Variants in MTHFD1 observed in about 807,000 individuals in gnomAD.
MTHFD1 encodes C-1-tetrahydrofolate synthase, cytoplasmic.
Under a neutral mutation model 110.3 loss-of-function variants are expected in MTHFD1, and 44 were observed. The ratio of observed to expected loss-of-function variants is 0.40; its 90% confidence interval spans 0.31 to 0.51. The LOEUF is 0.51. Ranked by LOEUF, MTHFD1 falls within the 20% of genes least tolerant of loss-of-function variation. The pLI is 0.60. For synonymous variants in MTHFD1, 402 were observed against 428.8 expected (o/e 0.94, Z 0.77); for missense variants, 909 against 1,173.1 (o/e 0.77, Z 3.29).
chr14:64,449,338 T>C, intron 23 of MTHFD1, 107 bp from the exon 24 acceptor site: 2 of 1,316,142 alleles, frequency 1.5e-6, no homozygotes, highest in Non-Finnish European at 2.2e-6. Flanking sequence ...TCTTGGTTAG[T>C]GTTCGTTTAT....
chr14:64,395,306 A>G (rs1035961758), intron 1 of MTHFD1, among the ~76,000 whole-genome samples: 3 of 152,256 alleles, frequency 2.0e-5, no homozygotes, highest in African/African-American at 7.2e-5. Context: ...GTAGTTACAC[A>G]TAAAAATCTG....
intron 4 of MTHFD1, among the ~76,000 whole-genome samples, chr14:64,414,652 C>G (rs2078011701): frequency 6.6e-6 from 1 of 151,118 alleles, no homozygotes; most frequent in South Asian, 2.1e-4. Context: ...CACACCCAGC[C>G]CTAATTTTTT....
chr14:64,442,008 T>C (rs1451722543), intron 19 of MTHFD1, 46 bp from the exon 20 acceptor site: 1 of 1,282,732 alleles, frequency 7.8e-7, no homozygotes, highest in Admixed American at 1.7e-5. Flanking sequence ...GATCCCACTT[T>C]GAAGCAGGAT....
Position 64,419,876 on chromosome 14 carries a change from G to C in MTHFD1, c.678G>C (p.Trp226Cys), listed in dbSNP as rs1360829379. Residue 226 changes from tryptophan to cysteine, a missense_variant, in exon 8 of 28, where the codon TGG (tryptophan) becomes TGC (cysteine). Trp to Cys is a radical substitution (Grantham distance 215). Coordinates refer to ENST00000652337, the MANE Select transcript of MTHFD1 (RefSeq NM_005956.4). ...AGCCTGAAATGGTTAAAGGGGAGTG[G>C]ATCAAACCTGGGGCAATAGTCATCG... is the stretch of plus-strand genomic sequence containing the variant. ...TGQPEMVKGE[W>C]IKPGAIVIDC... 1 of 1,614,176 alleles carries C rather than the reference G, an allele frequency of 6.2e-7. No homozygotes were observed. Among genetic ancestry groups the C allele is most frequent in the South Asian group, 1.1e-5 (1 of 91,082 alleles).
At chr14:64,408,266 T>G (rs2077952769) in intron 2 of MTHFD1, among the ~76,000 whole-genome samples, 1 of 150,174 alleles carries the variant, frequency 6.7e-6, no homozygotes, top group African/African-American at 2.4e-5. Flanking sequence ...TCAGCCACCT[T>G]CAAGGAGAAA....
chr14:64,450,356 A>G (rs1190229766), intron 24 of MTHFD1, among the ~76,000 whole-genome samples: 1 of 152,228 alleles, frequency 6.6e-6, no homozygotes, highest in Non-Finnish European at 1.5e-5. Flanking sequence ...AGGGGAAAGA[A>G]GTGTGCCCCC....
chr14:64,432,892 C>T (rs1456108018), intron 15 of MTHFD1, among the ~76,000 whole-genome samples: 3 of 151,998 alleles, frequency 2.0e-5, no homozygotes, highest in Non-Finnish European at 4.4e-5. Flanking sequence ...GCACCTGGGA[C>T]TATAGGTACA....
At chr14:64,430,055 C>A (rs988955382) in intron 12 of MTHFD1, 129 bp from the exon 13 acceptor site, 2 of 873,274 alleles carry the variant, frequency 2.3e-6, no homozygotes, top group Admixed American at 3.6e-5. Context: ...TCAAAACTGT[C>A]CAAATGATTC....
chr14:64,418,099 C>T (rs2078039276), intron 7 of MTHFD1, 75 bp downstream of exon 7: 4 of 1,538,624 alleles, frequency 2.6e-6, no homozygotes, highest in Admixed American at 1.7e-5. Flanking sequence ...ATGTCCTTTA[C>T]ACTCATGACC....
Position 64,435,574 on chromosome 14 carries a change from A to C in MTHFD1, c.1500A>C (p.Leu500=). The C allele has an allele frequency of 6.3e-7, 1 of 1,577,196 alleles. No individual in the cohort carries two copies. The change falls in exon 16 of 28, where the codon CTA becomes CTC. Residue 500 remains leucine, a synonymous_variant. Coordinates refer to ENST00000652337, the MANE Select transcript of MTHFD1 (RefSeq NM_005956.4). ...SDIQIRRLKR[L]GIEKTDPTTL... is the part of the protein sequence containing the mutation. ...TCATTTTCCTACACTTTCAGAGACT[A>C]GGCATTGAAAAGACTGACCCTACCA... is the stretch of plus-strand genomic sequence containing the variant.
At chr14:64,450,679 C>T (rs1267267081) in intron 24 of MTHFD1, among the ~76,000 whole-genome samples, 1 of 152,104 alleles carries the variant, frequency 6.6e-6, no homozygotes, top group Non-Finnish European at 1.5e-5. Context: ...TTTTCCTATT[C>T]TCTAGGCTAG....
Position 64,438,746 on chromosome 14 carries a change from GAAC to G in MTHFD1, c.1598-342_1598-340del, listed in dbSNP as rs561476359. 9.2e-5 allele frequency among the ~76,000 whole-genome samples: 14 copies of G among 152,232 alleles called. No individual in the cohort carries two copies. In the East Asian group the frequency reaches 2.5e-3, roughly 27 times the overall value. On this transcript the variant is annotated intron_variant, in intron 16 of 27. Coordinates refer to ENST00000652337, the MANE Select transcript of MTHFD1 (RefSeq NM_005956.4). The stretch of plus-strand genomic sequence containing the variant: ...AAAGTCAATGAGTCATCATCCCACA[GAAC>G]AACAACACAAACCTCAGTCTTTTGA...
chr14:64,444,826 T>TAACCC, intron 22 of MTHFD1, 92 bp downstream of exon 22: 3 of 1,405,442 alleles, frequency 2.1e-6, no homozygotes, highest in Non-Finnish European at 3.0e-6. Flanking sequence ...ATGAATGGGT[T>TAACCC]ATTGCTGTGA....
At chr14:64,398,786 GT>G (rs955348113) in intron 1 of MTHFD1, among the ~76,000 whole-genome samples, 13 of 152,120 alleles carry the variant, frequency 8.5e-5, no homozygotes, top group Non-Finnish European at 1.0e-4. Context: ...GACAAAACTG[GT>G]TTTCCAAGAG....
At chr14:64,455,670 A>ATCC (rs1596568693) in intron 26 of MTHFD1, among the ~76,000 whole-genome samples, 1 of 152,206 alleles carries the variant, frequency 6.6e-6, no homozygotes, top group East Asian at 1.9e-4. Context: ...ACCAACATAC[A>ATCC]TCCTTTTGGA....
At chr14:64,401,135 C>A (rs2077892997) in intron 2 of MTHFD1, among the ~76,000 whole-genome samples, 1 of 151,770 alleles carries the variant, frequency 6.6e-6, no homozygotes, top group South Asian at 2.1e-4. Flanking sequence ...CCTTTACAAT[C>A]TTTTTTTTCT....
Position 64,415,744 on chromosome 14 carries a change from A to G in MTHFD1, c.478+5A>G. ...TGGAACTCATCAAAGAGACAGGTAA[A>G]AACAACAAACCAAACAACAAGAAAG... On this transcript the variant is annotated splice_donor_5th_base_variant and intron_variant, in intron 6 of 27. Coordinates refer to ENST00000652337, the MANE Select transcript of MTHFD1 (RefSeq NM_005956.4). 5.0e-6 allele frequency: 8 copies of G among 1,613,718 alleles called. No homozygotes were observed. Among genetic ancestry groups the G allele is most frequent in the Non-Finnish European group, 5.1e-6 (6 of 1,179,704 alleles).
At position 64,449,468 on chromosome 14, in the gene MTHFD1, A is replaced by T. The variant is rs1371878284; in HGVS notation, c.2303A>T (p.Asp768Val). The change falls in exon 24 of 28, where the codon GAC becomes GTC. Residue 768 changes from aspartate to valine, a missense_variant. By Grantham distance (152) the Asp-to-Val change is radical. Transcript: ENST00000652337. ...AFKTDTESEL[D>V]LISRLSREHG... Reference sequence around the variant, plus strand: ...AGGACGGATACAGAGTCTGAGCTGGACCTCATCAGCCGCCTTTCCAGAGAA... The same window carrying T: ...AGGACGGATACAGAGTCTGAGCTGGTCCTCATCAGCCGCCTTTCCAGAGAA... The T allele has an allele frequency of 1.2e-6, 2 of 1,613,708 alleles. No individual in the cohort carries two copies.
In MTHFD1 at chr14:64,454,792, G is replaced by A. The variant is rs770012584; in HGVS notation, c.2635G>A (p.Gly879Ser). ...TTTGTCTCACAACCCAGAGCAAAAA[G>A]GTGTCCCTACAGGCTTCATTCTGCC... ...LSLSHNPEQK[G>S]VPTGFILPIR... The change falls in exon 26 of 28, where the codon GGT becomes AGT. Residue 879 changes from glycine to serine, a missense_variant. Physicochemically the swap from Gly to Ser is moderately conservative, Grantham distance 56. This residue lies in a region of MTHFD1 where 482 missense variants were observed against 646.0 expected (regional missense o/e 0.75). Coordinates refer to ENST00000652337, the MANE Select transcript of MTHFD1 (RefSeq NM_005956.4). 1.1e-5 allele frequency: 18 copies of A among 1,614,126 alleles called. No homozygotes were observed. The highest frequency in any genetic ancestry group is 1.4e-5 in the Non-Finnish European group (17 of 1,179,976).
Sources: gnomAD v4.1 joint callset for allele counts (sites outside exome capture counted in the v4.1 genomes callset) on GRCh38, gnomAD v4.1.1 for gene constraint, gnomAD v4.1.1 regional missense constraint, MANE v1.5 for transcripts, NCBI Gene and HGNC (gene_info 2026-07-23, HGNC 2026-07-21) for gene names.